The following ITPR1 variants were observed in gnomAD, a reference collection of about 807,000 sequenced individuals.
The protein encoded by ITPR1 is inositol 1,4,5-trisphosphate receptor type 1, also known as inositol 1,4,5-trisphosphate-gated calcium channel ITPR1.
A neutral mutation model predicts 318.4 loss-of-function variants in ITPR1; 96 were observed. That is an observed-to-expected ratio of 0.30 (90% CI 0.26 to 0.36). The LOEUF (loss-of-function observed/expected upper bound fraction) is 0.36. Among genes scored for constraint, ITPR1 ranks in the 10% least tolerant of loss-of-function variants. The pLI, the probability that ITPR1 is intolerant of heterozygous loss-of-function variation, is 1.00. For missense variants in ITPR1, 2,440 were observed against 3,460.2 expected (o/e 0.71, Z 7.40); for synonymous variants, 1,312 against 1,289.9 (o/e 1.02, Z -0.37).
chr3:4,555,028 A>G (rs1191044007), intron 4 of ITPR1, among the ~76,000 whole-genome samples: 1 of 152,126 alleles, frequency 6.6e-6, no homozygotes, highest in African/African-American at 2.4e-5. Context: ...GTACCCGCGG[A>G]ATGTGTTTCC....
At chr3:4,639,507 C>T (rs183263573) in intron 6 of ITPR1, 37 bp downstream of exon 6, 28 of 1,427,638 alleles carry the variant, frequency 2.0e-5, no homozygotes, top group Middle Eastern at 1.7e-4. Flanking sequence ...GAAGCTGAAG[C>T]GTTACAAAGA....
In ITPR1 at chr3:4,693,686, T is replaced by A. The variant is rs1205048429; in HGVS notation, c.4226T>A (p.Leu1409Gln). The change falls in exon 33 of 62, where the codon CTG becomes CAG. Residue 1409 changes from leucine to glutamine, a missense_variant. By Grantham distance (113) the Leu-to-Gln change is moderately radical. Coordinates refer to ENST00000649015, the MANE Select transcript of ITPR1 (RefSeq NM_001378452.1). ...TACACAGAGATCAAGTGCAACTCCC[T>A]GCTCCCGCTGGATGACATCGTTCGC... ...NVYTEIKCNS[L>Q]LPLDDIVRVV... The A allele has an allele frequency of 6.2e-7, 1 of 1,614,078 alleles. No homozygotes were observed. Among genetic ancestry groups the A allele is most frequent in the Non-Finnish European group, 8.5e-7 (1 of 1,179,922 alleles).
intron 4 of ITPR1, among the ~76,000 whole-genome samples, chr3:4,539,080 T>A (rs2084153778): frequency 6.6e-6 from 1 of 152,226 alleles, no homozygotes; most frequent in South Asian, 2.1e-4. Flanking sequence ...ATTATAAACA[T>A]TGACTTCAAA....
chr3:4,532,299 T>A (rs1412559416), intron 4 of ITPR1, among the ~76,000 whole-genome samples: 1 of 152,244 alleles, frequency 6.6e-6, no homozygotes, highest in Non-Finnish European at 1.5e-5. Context: ...TGGAATCTTG[T>A]TAAAGTGTAG....
At chr3:4,612,534 G>A (rs1355288951) in intron 4 of ITPR1, among the ~76,000 whole-genome samples, 1 of 151,450 alleles carries the variant, frequency 6.6e-6, no homozygotes, top group South Asian at 2.1e-4. Flanking sequence ...CTGTCCCCCT[G>A]ATCATTTTGA....
intron 53 of ITPR1, among the ~76,000 whole-genome samples, chr3:4,797,205 T>A (rs1049261975): frequency 5.3e-5 from 8 of 151,692 alleles, no homozygotes; most frequent in African/African-American, 1.9e-4. Flanking sequence ...GATACTGCCT[T>A]AAGTGCATCA....
chr3:4,504,339 A>G (rs2081253168), intron 2 of ITPR1, among the ~76,000 whole-genome samples: 1 of 152,268 alleles, frequency 6.6e-6, no homozygotes, highest in South Asian at 2.1e-4. Context: ...GTTGTATTAT[A>G]CTAGAGAATC....
At chr3:4,691,070 T>G in intron 31 of ITPR1, 74 bp from the exon 32 acceptor site, 3 of 1,023,662 alleles carry the variant, frequency 2.9e-6, no homozygotes, top group Non-Finnish European at 4.2e-6. Flanking sequence ...TGGACTCTTC[T>G]TTTTCTCACT....
intron 21 of ITPR1, among the ~76,000 whole-genome samples, chr3:4,673,988 G>A (rs2094138738): frequency 6.6e-6 from 1 of 152,160 alleles, no homozygotes; most frequent in Admixed American, 6.5e-5. Context: ...AAACTAGAAA[G>A]CAATCTCTAT....
At chr3:4,635,559 A>C (rs966337432) in intron 5 of ITPR1, among the ~76,000 whole-genome samples, 7 of 151,478 alleles carry the variant, frequency 4.6e-5, no homozygotes, top group South Asian at 2.1e-4. Flanking sequence ...GTTAGCCAGG[A>C]TGGTCTCGAT....
At chr3:4,594,183 G>A (rs1323447678) in intron 4 of ITPR1, among the ~76,000 whole-genome samples, 2 of 152,122 alleles carry the variant, frequency 1.3e-5, no homozygotes. Flanking sequence ...GGGACTCACT[G>A]GTACAGAAGA....
At chr3:4,550,901 A>G (rs1270605931) in intron 4 of ITPR1, among the ~76,000 whole-genome samples, 4 of 150,926 alleles carry the variant, frequency 2.7e-5, no homozygotes, top group Non-Finnish European at 2.9e-5. Flanking sequence ...AAAAAAAAAG[A>G]AAGAAAAGAA....
chr3:4,688,514 A>G lies in ITPR1; in HGVS notation c.3722A>G (p.Gln1241Arg), dbSNP rs1347506656. 1.2e-6 allele frequency: 2 copies of G among 1,613,918 alleles called. No individual in the cohort carries two copies. The highest frequency in any genetic ancestry group is 1.1e-5 in the South Asian group (1 of 91,090). Reference sequence around the variant, plus strand: ...ACACAGGCCGAAGATACCAAGATGCAAGAGATAATGAGGTTGGCTCATGAA... The same window carrying G: ...ACACAGGCCGAAGATACCAAGATGCGAGAGATAATGAGGTTGGCTCATGAA... ...PYEKAEDTKM[Q>R]EIMRLAHEFL... Residue 1241 changes from glutamine to arginine, a missense_variant, in exon 31 of 62, where the codon CAA (glutamine) becomes CGA (arginine). By Grantham distance (43) the Gln-to-Arg change is conservative (BLOSUM62 1). This residue lies in a region of ITPR1 where 222 missense variants were observed against 318.8 expected (regional missense o/e 0.70). Transcript: ENST00000649015.
intron 4 of ITPR1, among the ~76,000 whole-genome samples, chr3:4,625,276 CAGTT>C (rs1199101150): frequency 1.4e-5 from 2 of 145,374 alleles, no homozygotes; most frequent in Non-Finnish European, 3.0e-5. Context: ...TACATAGTAA[CAGTT>C]AATTATGGAT....
intron 28 of ITPR1, among the ~76,000 whole-genome samples, 192 bp from the exon 29 acceptor site, chr3:4,684,071 ACCTGTTCTCTAGGCATGG>A (rs1218874861): frequency 3.9e-5 from 6 of 152,316 alleles, no homozygotes; most frequent in African/African-American, 1.2e-4. Flanking sequence ...TTGGGAATTG[ACCTGTTCTCTAGGCATGG>A]CCCAGCCCAC....
chr3:4,634,821 C>A (rs773743381), intron 5 of ITPR1, among the ~76,000 whole-genome samples: 1 of 152,214 alleles, frequency 6.6e-6, no homozygotes, highest in Non-Finnish European at 1.5e-5. Flanking sequence ...TCACTGCAAC[C>A]TCCACCTCCT....
chr3:4,671,161 A>C (rs996901620), intron 20 of ITPR1, among the ~76,000 whole-genome samples: 1 of 152,144 alleles, frequency 6.6e-6, no homozygotes, highest in African/African-American at 2.4e-5. Context: ...CCCTGGTGAT[A>C]GTTTATCCTT....
intron 4 of ITPR1, among the ~76,000 whole-genome samples, chr3:4,532,324 G>C (rs901071401): frequency 6.6e-6 from 1 of 151,996 alleles, no homozygotes; most frequent in African/African-American, 2.4e-5. Context: ...TAATTAGGTA[G>C]TCTGAAGTGA....
At chr3:4,822,987 C>A (rs1025942981) in intron 60 of ITPR1, among the ~76,000 whole-genome samples, 1 of 152,186 alleles carries the variant, frequency 6.6e-6, no homozygotes, top group African/African-American at 2.4e-5. Flanking sequence ...TTTTTATTAA[C>A]CTTGATCTAC....
Sources: gnomAD v4.1 joint callset for allele counts (sites outside exome capture counted in the v4.1 genomes callset) on GRCh38, gnomAD v4.1.1 for gene constraint, gnomAD v4.1.1 regional missense constraint, MANE v1.5 for transcripts, NCBI Gene and HGNC (gene_info 2026-07-23, HGNC 2026-07-21) for gene names.